The following MLLT3 variants were observed in gnomAD, a reference collection of about 807,000 sequenced individuals.
The protein encoded by MLLT3 is MLLT3 super elongation complex subunit, also known as protein AF-9.
In MLLT3, 4 loss-of-function variants were observed where a neutral mutation model predicts 53.2. The ratio of observed to expected loss-of-function variants is 0.08; its 90% CI spans 0.04 to 0.17. The LOEUF (loss-of-function observed/expected upper bound fraction) is 0.17. MLLT3 is among the 10% of genes least tolerant of loss of function. The pLI is 1.00. For missense variants in MLLT3, 569 were observed against 684.0 expected (o/e 0.83, Z 1.87); for synonymous variants, 283 against 230.6 (o/e 1.23, Z -2.06).
Position 20,478,673 on chromosome 9 carries a change from T to C in MLLT3, c.194-21887A>G, listed in dbSNP as rs952892714. 1.2e-4 allele frequency among the ~76,000 whole-genome samples: 18 copies of C among 152,188 alleles called. No individual in the cohort carries two copies. The East Asian group carries it at 1.5e-3, about 13-fold the overall frequency. Reference sequence around the variant, plus strand: ...AAAGAGCACAGGACCGTGAATAAGATGACCTGGTTTAAATTCTAAATCCAC... The same window carrying C: ...AAAGAGCACAGGACCGTGAATAAGACGACCTGGTTTAAATTCTAAATCCAC... On this transcript the variant is annotated intron_variant, in intron 2 of 10. Coordinates refer to ENST00000380338, the MANE Select transcript of MLLT3 (RefSeq NM_004529.4).
At chr9:20,377,825 T>C (rs1432002277) in intron 5 of MLLT3, among the ~76,000 whole-genome samples, 1 of 152,070 alleles carries the variant, frequency 6.6e-6, no homozygotes, top group South Asian at 2.1e-4. Context: ...CAAAATCCAC[T>C]GGGGAAAAAG....
chr9:20,493,940 G>A (rs1825014175), intron 2 of MLLT3, among the ~76,000 whole-genome samples: 1 of 151,870 alleles, frequency 6.6e-6, no homozygotes, highest in East Asian at 1.9e-4. Context: ...TCCCCATGAA[G>A]CACATACCTC....
intron 5 of MLLT3, among the ~76,000 whole-genome samples, chr9:20,385,824 T>C (rs190370988): frequency 1.4e-3 from 217 of 152,324 alleles, no homozygotes; most frequent in Non-Finnish European, 2.0e-3. Flanking sequence ...GATGATTCCA[T>C]TTTAATAATG....
At position 20,476,777 on chromosome 9, in the gene MLLT3, A is replaced by T. The variant is rs1338372084; in HGVS notation, c.194-19991T>A. Among the ~76,000 whole-genome samples, 3 of 152,198 alleles carry T rather than the reference A, an allele frequency of 2.0e-5. No individual in the cohort carries two copies. In the East Asian group the frequency reaches 5.8e-4, roughly 29 times the overall value. The stretch of plus-strand genomic sequence containing the variant: ...AGTGGAGTATTCATCCTAAAGACTG[A>T]CATTTTCATTGAATTCTCAATATTA... On this transcript the variant is annotated intron_variant, in intron 2 of 10. Coordinates refer to ENST00000380338, the MANE Select transcript of MLLT3 (RefSeq NM_004529.4).
At chr9:20,579,608 A>T (rs1819738960) in intron 2 of MLLT3, among the ~76,000 whole-genome samples, 1 of 152,210 alleles carries the variant, frequency 6.6e-6, no homozygotes, top group African/African-American at 2.4e-5. Flanking sequence ...CAAGAAGTTG[A>T]TGAGAGCCAT....
At chr9:20,602,567 G>A (rs1333382152) in intron 2 of MLLT3, among the ~76,000 whole-genome samples, 3 of 152,176 alleles carry the variant, frequency 2.0e-5, no homozygotes, top group East Asian at 1.9e-4. Context: ...TATAGTACAC[G>A]CATGTGCTCA....
chr9:20,505,920 G>A (rs901473271), intron 2 of MLLT3, among the ~76,000 whole-genome samples: 9 of 152,146 alleles, frequency 5.9e-5, no homozygotes, highest in South Asian at 2.1e-4. Flanking sequence ...CTGTTGTTAC[G>A]TGAGCTAAAA....
At chr9:20,608,077 T>C (rs1320081213) in intron 2 of MLLT3, among the ~76,000 whole-genome samples, 1 of 152,008 alleles carries the variant, frequency 6.6e-6, no homozygotes, top group Admixed American at 6.6e-5. Flanking sequence ...CTGCCCTAAA[T>C]CTTTTTTTCT....
chr9:20,474,513 A>G (rs1180946285), intron 2 of MLLT3, among the ~76,000 whole-genome samples: 1 of 152,056 alleles, frequency 6.6e-6, no homozygotes, highest in Non-Finnish European at 1.5e-5. Context: ...CTCCTCATCC[A>G]TATACTACAA....
At chr9:20,608,606 A>C (rs1333399729) in intron 2 of MLLT3, among the ~76,000 whole-genome samples, 1 of 151,986 alleles carries the variant, frequency 6.6e-6, no homozygotes, top group Non-Finnish European at 1.5e-5. Context: ...AACATTGTGC[A>C]AATACTCATA....
At chr9:20,490,247 T>C (rs997932852) in intron 2 of MLLT3, among the ~76,000 whole-genome samples, 3 of 152,256 alleles carry the variant, frequency 2.0e-5, no homozygotes, top group Non-Finnish European at 4.4e-5. Context: ...ATAAGTTTAC[T>C]AATCAACTGA....
chr9:20,390,667 C>G (rs1563947070), intron 5 of MLLT3, among the ~76,000 whole-genome samples: 1 of 152,206 alleles, frequency 6.6e-6, no homozygotes, highest in Non-Finnish European at 1.5e-5. Context: ...GACTAACACT[C>G]TTCAAATATG....
chr9:20,391,229 T>C (rs1411406980), intron 5 of MLLT3, among the ~76,000 whole-genome samples: 1 of 152,168 alleles, frequency 6.6e-6, no homozygotes, highest in Non-Finnish European at 1.5e-5. Flanking sequence ...AATCATTTTG[T>C]AGGAATAAAA....
intron 2 of MLLT3, among the ~76,000 whole-genome samples, chr9:20,467,619 G>C (rs1824268855): frequency 6.6e-6 from 1 of 152,106 alleles, no homozygotes; most frequent in African/African-American, 2.4e-5. Flanking sequence ...TCGATGAGCA[G>C]ATTTAATCTT....
chr9:20,354,672 T>C (rs1821118627), intron 9 of MLLT3, 136 bp downstream of exon 9: 6 of 639,642 alleles, frequency 9.4e-6, no homozygotes, highest in Admixed American at 2.6e-5. Context: ...TGGGATGAAA[T>C]ACTCATCATT....
chr9:20,591,614 G>C (rs1208824147), intron 2 of MLLT3, among the ~76,000 whole-genome samples: 1 of 152,162 alleles, frequency 6.6e-6, no homozygotes, highest in East Asian at 1.9e-4. Flanking sequence ...GAAATGTTTA[G>C]GGAACAAAGA....
rs998963006 is a variant in MLLT3 at position 20,567,526 on chromosome 9, A to C, written c.193+53128T>G. On this transcript the variant is annotated intron_variant, in intron 2 of 10. Coordinates refer to ENST00000380338, the MANE Select transcript of MLLT3 (RefSeq NM_004529.4). ...TGTTTTAGTAAATCTTCAGATTTGA[A>C]CATTGAAATTTCATTTAATTTGGCT... 9.0e-4 allele frequency among the ~76,000 whole-genome samples: 137 copies of C among 152,238 alleles called. 2 individuals carry two copies. The highest frequency in any genetic ancestry group is 1.5e-5 in the Non-Finnish European group (1 of 68,024).
chr9:20,385,184 C>T (rs1355534803), intron 5 of MLLT3, among the ~76,000 whole-genome samples: 4 of 152,000 alleles, frequency 2.6e-5, no homozygotes, highest in Non-Finnish European at 1.5e-5. Context: ...ATTTAAATAT[C>T]GGTAAGAACT....
chr9:20,482,271 A>G (rs1290843023), intron 2 of MLLT3, among the ~76,000 whole-genome samples: 1 of 152,256 alleles, frequency 6.6e-6, no homozygotes, highest in Non-Finnish European at 1.5e-5. Context: ...CGGCATGACA[A>G]TAAAGTTCCC....
Sources: gnomAD v4.1 joint callset for allele counts (sites outside exome capture counted in the v4.1 genomes callset) on GRCh38, gnomAD v4.1.1 for gene constraint, MANE v1.5 for transcripts, NCBI Gene and HGNC (gene_info 2026-07-23, HGNC 2026-07-21) for gene names.